Variants in SPTBN1 observed in about 807,000 individuals in gnomAD.
SPTBN1 encodes spectrin beta, non-erythrocytic 1.
A neutral mutation model predicts 266.4 loss-of-function variants in SPTBN1; 32 were observed. The observed-to-expected ratio is 0.12, with a 90% CI of 0.09 to 0.16. The LOEUF (loss-of-function observed/expected upper bound fraction) is 0.16, where lower values mean the gene tolerates loss of function less well. SPTBN1 is among the 10% of genes least tolerant of loss of function. SPTBN1 has a pLI of 1.00. For missense variants in SPTBN1, 2,296 were observed against 3,067.1 expected, an observed-to-expected ratio of 0.75 and a Z score of 5.94; for synonymous variants, 1,336 against 1,162.2, an observed-to-expected ratio of 1.15 and a Z score of -3.04.
In SPTBN1 at chr2:54,631,401, C is replaced by T. The variant is rs2229502; in HGVS notation, c.3354C>T (p.Tyr1118=). The change falls in exon 16 of 36, where the codon TAC becomes TAT. Residue 1118 remains tyrosine (Y), a synonymous_variant. Transcript: ENST00000356805. ...AGATCGACAACTACGAGGAGGACTA[C>T]CAGAAGATGAGGGACATGGGCGAGA... ...KNEIDNYEED[Y]QKMRDMGEMV... 1.4e-4 allele frequency: 234 copies of T among 1,614,246 alleles called. No individual in the cohort carries two copies. In the African/African-American group the frequency reaches 2.7e-3, roughly 19 times the overall value.
At chr2:54,557,956 G>C (rs1236861213) in intron 2 of SPTBN1, 2 of 984,988 alleles carry the variant, frequency 2.0e-6, no homozygotes, top group Non-Finnish European at 1.2e-6. Context: ...GCGCGCCCAG[G>C]TGCGGGCCGC....
chr2:54,497,358 G>GT (rs1256937380), intron 1 of SPTBN1, among the ~76,000 whole-genome samples: 3 of 152,076 alleles, frequency 2.0e-5, no homozygotes, highest in Non-Finnish European at 1.5e-5. Flanking sequence ...CCATGAATTA[G>GT]TTTTTTGGTT....
chr2:54,530,170 ATTCATCTTTTAATGGTGTAG>A (rs1671130777), intron 2 of SPTBN1, among the ~76,000 whole-genome samples: 1 of 152,014 alleles, frequency 6.6e-6, no homozygotes, highest in African/African-American at 2.4e-5. Flanking sequence ...ACATGTAGGA[ATTCATCTTTTAATGGTGTAG>A]TTCATCTTGT....
chr2:54,546,355 A>G (rs1672237692), intron 2 of SPTBN1: 1 of 152,234 alleles, frequency 6.6e-6, no homozygotes, highest in Non-Finnish European at 1.5e-5. Context: ...GGTATCACAA[A>G]AACTTCAGAG....
chr2:54,469,045 A>G (rs1176532849), intron 1 of SPTBN1, among the ~76,000 whole-genome samples: 1 of 152,178 alleles, frequency 6.6e-6, no homozygotes, highest in Admixed American at 6.5e-5. Flanking sequence ...TTACAATTCT[A>G]TCTTGGGATT....
At chr2:54,457,163 C>CCCA (rs1204546495) in intron 1 of SPTBN1, 1 of 138,958 alleles carries the variant, frequency 7.2e-6, no homozygotes, top group Non-Finnish European at 1.6e-5. Flanking sequence ...GCCCCCCCCC[C>CCCA]GCCCTTTCTG....
At chr2:54,575,792 A>T (rs1674420390) in intron 2 of SPTBN1, among the ~76,000 whole-genome samples, 2 of 152,220 alleles carry the variant, frequency 1.3e-5, no homozygotes, top group Admixed American at 1.3e-4. Flanking sequence ...ATCTGTCCAC[A>T]AACTTCTCAA....
At chr2:54,659,081 G>A in intron 30 of SPTBN1, 73 bp from the exon 31 acceptor site, 3 of 1,533,078 alleles carry the variant, frequency 2.0e-6, no homozygotes, top group Non-Finnish European at 9.0e-7. Flanking sequence ...AGGACTTCCT[G>A]GGTTCCTAGA....
At chr2:54,475,396 T>G (rs1667774308) in intron 1 of SPTBN1, among the ~76,000 whole-genome samples, 1 of 152,212 alleles carries the variant, frequency 6.6e-6, no homozygotes, top group African/African-American at 2.4e-5. Context: ...ATCTATGCTG[T>G]TATCTATGTT....
intron 26 of SPTBN1, chr2:54,652,481 T>G (rs1292603010): frequency 6.6e-6 from 1 of 152,202 alleles, no homozygotes; most frequent in Non-Finnish European, 1.5e-5. Flanking sequence ...ATTTAACCAG[T>G]CCTTCACTGA....
At position 54,630,000 on chromosome 2, in the gene SPTBN1, C is replaced by A; in HGVS notation, c.2778C>A (p.Ile926=). 1.2e-6 allele frequency: 2 copies of A among 1,614,080 alleles called. No homozygotes were observed. Among genetic ancestry groups the A allele is most frequent in the Non-Finnish European group, 1.7e-6 (2 of 1,180,006 alleles). The part of the protein sequence containing the change: ...MHSGHPSEKE[I]KAQQDKLNTR... ...GCGGCCACCCAAGTGAGAAGGAAAT[C>A]AAAGCCCAGCAGGACAAACTCAACA... Residue 926 remains isoleucine, a synonymous_variant, in exon 15 of 36, where the codon ATC becomes ATA. Transcript: ENST00000356805.
At chr2:54,539,948 C>T (rs528961129) in intron 2 of SPTBN1, among the ~76,000 whole-genome samples, 2 of 152,266 alleles carry the variant, frequency 1.3e-5, no homozygotes, top group South Asian at 4.1e-4. Flanking sequence ...GAGGTGAGGT[C>T]TTTGGCGGGT....
At chr2:54,546,583 T>G (rs1397082917) in intron 2 of SPTBN1, 1 of 152,176 alleles carries the variant, frequency 6.6e-6, no homozygotes, top group Non-Finnish European at 1.5e-5. Context: ...TTGAACAATT[T>G]CATGAAGGTT....
In SPTBN1 at chr2:54,659,182, A is replaced by C. The variant is rs1310257486; in HGVS notation, c.6272A>C (p.Gln2091Pro). ...TLELLEVRRQ[Q>P]EEEERKRRPP... is the part of the protein sequence containing the mutation. ...GAGTTACTGGAAGTGCGCAGACAGCAAGAGGAAGAGGAGAGGAAGAGGCGG... is the reference window on the plus strand; with the variant it reads ...GAGTTACTGGAAGTGCGCAGACAGCCAGAGGAAGAGGAGAGGAAGAGGCGG... The change falls in exon 31 of 36, where the codon CAA (glutamine) becomes CCA (proline). Residue 2091 changes from glutamine to proline, a missense_variant. By Grantham distance (76) the Gln-to-Pro change is moderately conservative (BLOSUM62 -1). Coordinates refer to ENST00000356805, the MANE Select transcript of SPTBN1 (RefSeq NM_003128.3). 2 of 1,613,922 alleles carry C rather than the reference A, an allele frequency of 1.2e-6. No homozygotes were observed. The highest frequency in any genetic ancestry group is 8.5e-7 in the Non-Finnish European group (1 of 1,179,964).
chr2:54,633,338 C>T (rs184107252), intron 17 of SPTBN1, among the ~76,000 whole-genome samples: 2 of 152,314 alleles, frequency 1.3e-5, no homozygotes, highest in Admixed American at 6.5e-5. Context: ...TTATTTTCCT[C>T]TTCTGCCAGG....
At chr2:54,462,729 C>G (rs1693428491) in intron 1 of SPTBN1, among the ~76,000 whole-genome samples, 2 of 152,194 alleles carry the variant, frequency 1.3e-5, no homozygotes. Flanking sequence ...GGATGTGTGA[C>G]TTTGGCAAAC....
intron 1 of SPTBN1, among the ~76,000 whole-genome samples, chr2:54,525,228 G>C (rs529416331): frequency 6.6e-6 from 1 of 152,206 alleles, no homozygotes; most frequent in African/African-American, 2.4e-5. Context: ...TACTGTCCTT[G>C]GTTGCCATAC....
At chr2:54,643,434 A>T (rs1010633128) in intron 19 of SPTBN1, among the ~76,000 whole-genome samples, 3 of 152,212 alleles carry the variant, frequency 2.0e-5, no homozygotes, top group South Asian at 2.1e-4. Flanking sequence ...TCATGCAGGG[A>T]TTCCACTGTC....
At chr2:54,615,974 T>G (rs1389449114) in intron 4 of SPTBN1, among the ~76,000 whole-genome samples, 1 of 152,182 alleles carries the variant, frequency 6.6e-6, no homozygotes, top group African/African-American at 2.4e-5. Context: ...CTCTGATAGG[T>G]GCTGGGAAGT....
Sources: gnomAD v4.1 joint callset for allele counts (sites outside exome capture counted in the v4.1 genomes callset) on GRCh38, gnomAD v4.1.1 for gene constraint, MANE v1.5 for transcripts, NCBI Gene and HGNC (gene_info 2026-07-23, HGNC 2026-07-21) for gene names.